MED13L: variants seen among roughly 807,000 people sequenced by gnomAD.
The protein encoded by MED13L is mediator of RNA polymerase II transcription subunit 13-like.
In MED13L, 7 loss-of-function variants were observed where a neutral mutation model predicts 220.9. That is an observed-to-expected ratio of 0.03 (90% confidence interval 0.02 to 0.06). The LOEUF (loss-of-function observed/expected upper bound fraction) is 0.06, where lower values mean the gene tolerates loss of function less well. Among genes scored for constraint, MED13L ranks in the 10% least tolerant of loss-of-function variants. The pLI, the probability that MED13L is intolerant of heterozygous loss-of-function variation, is 1.00. For missense variants in MED13L, 1,965 were observed against 2,760.5 expected, an observed-to-expected ratio of 0.71 and a Z score of 6.46; for synonymous variants, 1,011 against 1,015.2, an observed-to-expected ratio of 1.00 and a Z score of 0.08.
chr12:116,176,252 C>T (rs1880052542), intron 2 of MED13L, among the ~76,000 whole-genome samples: 1 of 152,144 alleles, frequency 6.6e-6, no homozygotes, highest in African/African-American at 2.4e-5. Flanking sequence ...GGGATAATAG[C>T]AGACCATCCT....
At chr12:116,134,866 T>G (rs1417215938) in intron 2 of MED13L, among the ~76,000 whole-genome samples, 1 of 151,112 alleles carries the variant, frequency 6.6e-6, no homozygotes, top group Non-Finnish European at 1.5e-5. Flanking sequence ...AAGGAAGGAG[T>G]AGGATGAAAG....
chr12:116,265,284 T>A (rs554421011), intron 1 of MED13L, among the ~76,000 whole-genome samples: 1 of 152,322 alleles, frequency 6.6e-6, no homozygotes, highest in East Asian at 1.9e-4. Flanking sequence ...CTTCACAACT[T>A]AAAAGCCTAG....
rs1203382299 is a variant in MED13L at position 116,251,450 on chromosome 12, C to CT, written c.73-13746dup. ...GCTGGGATTACAGGCGTGAGGGATC[C>CT]TTTTTTTTTTTAAAGTAAGGCCCAA... On this transcript the variant is annotated intron_variant, in intron 1 of 30. Transcript: ENST00000281928. 3.2e-3 allele frequency among the ~76,000 whole-genome samples: 411 copies of CT among 129,590 alleles called. 2 individuals are homozygous for CT. The highest frequency in any genetic ancestry group is 8.3e-3 in the South Asian group (30 of 3,626). 85.0% of individuals were successfully genotyped at this position (129,590 alleles called of 152,430 possible).
chr12:116,244,746 G>A (rs549670578), intron 1 of MED13L, among the ~76,000 whole-genome samples: 1 of 152,292 alleles, frequency 6.6e-6, no homozygotes, highest in South Asian at 2.1e-4. Context: ...GAACTCAGAA[G>A]TTCTAGACCA....
intron 2 of MED13L, among the ~76,000 whole-genome samples, chr12:116,203,997 T>C (rs775370333): frequency 5.3e-5 from 8 of 152,196 alleles, no homozygotes; most frequent in Non-Finnish European, 1.0e-4. Context: ...GAAAATTACA[T>C]GTCGTAATGG....
intron 4 of MED13L, among the ~76,000 whole-genome samples, chr12:116,039,489 AAC>A (rs1881394663): frequency 6.6e-6 from 1 of 152,146 alleles, no homozygotes; most frequent in Non-Finnish European, 1.5e-5. Flanking sequence ...CTTTCATCAA[AAC>A]ACAGTATGGC....
intron 3 of MED13L, among the ~76,000 whole-genome samples, chr12:116,111,212 T>C (rs540683687): frequency 3.9e-5 from 6 of 152,300 alleles, no homozygotes; most frequent in Non-Finnish European, 4.4e-5. Context: ...AAACTACCGT[T>C]GAAGGGCAGG....
At chr12:116,215,113 G>T (rs1882916182) in intron 2 of MED13L, among the ~76,000 whole-genome samples, 1 of 152,046 alleles carries the variant, frequency 6.6e-6, no homozygotes, top group Non-Finnish European at 1.5e-5. Flanking sequence ...TTGTTTTTTG[G>T]AAGTGGCAGT....
At chr12:116,105,152 C>G (rs913279817) in intron 3 of MED13L, among the ~76,000 whole-genome samples, 1 of 152,084 alleles carries the variant, frequency 6.6e-6, no homozygotes, top group African/African-American at 2.4e-5. Context: ...TTTTTCCCAT[C>G]GTCTATTGAT....
intron 3 of MED13L, among the ~76,000 whole-genome samples, 186 bp downstream of exon 3, chr12:116,111,242 A>T (rs756278934): frequency 3.3e-5 from 5 of 152,178 alleles, no homozygotes; most frequent in Non-Finnish European, 7.4e-5. Context: ...AGTTCTTTGT[A>T]CCATTCCCAA....
intron 4 of MED13L, among the ~76,000 whole-genome samples, chr12:116,025,499 A>G (rs1217400460): frequency 6.6e-6 from 1 of 152,226 alleles, no homozygotes; most frequent in Non-Finnish European, 1.5e-5. Flanking sequence ...CAAGGGATGA[A>G]TGAATGAAGA....
intron 4 of MED13L, among the ~76,000 whole-genome samples, chr12:116,067,867 C>T (rs1347775331): frequency 1.3e-5 from 2 of 152,164 alleles, no homozygotes; most frequent in South Asian, 4.1e-4. Flanking sequence ...GTCTGGAACA[C>T]AACAAGACTC....
chr12:116,060,028 C>CA (rs1339999779), intron 4 of MED13L, among the ~76,000 whole-genome samples: 2 of 151,870 alleles, frequency 1.3e-5, no homozygotes, highest in African/African-American at 2.4e-5. Flanking sequence ...CACTGCAGGG[C>CA]AAAAAAACCC....
At chr12:115,972,445 T>C (rs1876653271) in intron 25 of MED13L, 1 of 591,542 alleles carries the variant, frequency 1.7e-6, no homozygotes, top group African/African-American at 1.8e-5. Flanking sequence ...GGCCTACTAT[T>C]CTGTGGCTGA....
chr12:116,151,033 C>G (rs946595264), intron 2 of MED13L, among the ~76,000 whole-genome samples: 8 of 152,084 alleles, frequency 5.3e-5, no homozygotes, highest in Non-Finnish European at 7.4e-5. Flanking sequence ...CAACCTACTC[C>G]CCAGAGGTCT....
At chr12:116,024,773 C>CGGGGG (rs796599611) in intron 4 of MED13L, among the ~76,000 whole-genome samples, 53 of 4,996 alleles carry the variant, frequency 0.011, no homozygotes, top group Non-Finnish European at 0.017. Context: ...TTTGGCGGGG[C>CGGGGG]GGGGGGGGGG....
At chr12:115,967,903 C>G (rs935576172) in intron 28 of MED13L, among the ~76,000 whole-genome samples, 2 of 152,158 alleles carry the variant, frequency 1.3e-5, no homozygotes, top group Non-Finnish European at 2.9e-5. Flanking sequence ...CCCTTAAAAC[C>G]CCTTCCTTCC....
chr12:116,201,806 C>T (rs1196383946), intron 2 of MED13L, among the ~76,000 whole-genome samples: 1 of 152,042 alleles, frequency 6.6e-6, no homozygotes, highest in East Asian at 1.9e-4. Flanking sequence ...TCCAACATTA[C>T]AAATATGTCT....
At chr12:116,166,526 G>A (rs1473654303) in intron 2 of MED13L, among the ~76,000 whole-genome samples, 3 of 152,054 alleles carry the variant, frequency 2.0e-5, no homozygotes, top group Non-Finnish European at 4.4e-5. Flanking sequence ...TGAGGCTGCA[G>A]TGAGCCAAGA....
Sources: gnomAD v4.1 joint callset for allele counts (sites outside exome capture counted in the v4.1 genomes callset) on GRCh38, gnomAD v4.1.1 for gene constraint, MANE v1.5 for transcripts, NCBI Gene and HGNC (gene_info 2026-07-23, HGNC 2026-07-21) for gene names.